ZCCHC14: variants seen among roughly 807,000 people sequenced by gnomAD.
ZCCHC14 encodes zinc finger CCHC domain-containing protein 14.
A neutral mutation model predicts 85.0 loss-of-function variants in ZCCHC14; 16 were observed. That is an observed-to-expected ratio of 0.19 (90% CI 0.13 to 0.29). The LOEUF is 0.29. ZCCHC14 is among the 10% of genes least tolerant of loss of function. ZCCHC14 has a pLI of 1.00. For missense variants in ZCCHC14, 1,303 were observed against 1,443.5 expected (o/e 0.90, Z 1.58); for synonymous variants, 775 against 630.7 (o/e 1.23, Z -3.43).
At chr16:87,435,955 A>T (rs1319641937) in intron 2 of ZCCHC14, among the ~76,000 whole-genome samples, 3 of 152,208 alleles carry the variant, frequency 2.0e-5, no homozygotes, top group Admixed American at 1.3e-4. Context: ...TGTTTTTCTA[A>T]AGCAGTACTT....
rs755073059 is a variant in ZCCHC14, at chr16:87,418,894, G to C, written c.1053C>G (p.Gly351=). 1 of 1,611,152 alleles carries C rather than the reference G, an allele frequency of 6.2e-7. No homozygotes were observed. The highest frequency in any genetic ancestry group is 8.5e-7 in the Non-Finnish European group (1 of 1,178,202). ...TACCTACTTTAGAAAGGGAGGGATT[G>C]CCAGGACCTATAAATTTAAAAATAA... ...PPQQLQSPSP[G]NPSLSKVGTV... Residue 351 remains glycine, a synonymous_variant, in exon 7 of 13, where the codon GGC becomes GGG. Transcript: ENST00000671377.
intron 4 of ZCCHC14, among the ~76,000 whole-genome samples, chr16:87,423,446 C>T (rs1009284132): frequency 2.0e-5 from 3 of 152,118 alleles, no homozygotes; most frequent in South Asian, 4.1e-4. Flanking sequence ...TAGGTGAAGT[C>T]TCTACCCACT....
At chr16:87,462,324 CTAAACAAGATAATAGAACCGA>C (rs1911302654) in intron 1 of ZCCHC14, among the ~76,000 whole-genome samples, 1 of 152,166 alleles carries the variant, frequency 6.6e-6, no homozygotes, top group Admixed American at 6.5e-5. Flanking sequence ...TCCTTTCCCA[CTAAACAAGATAATAGAACCGA>C]TACAAGTACG....
chr16:87,419,949 T>A, intron 5 of ZCCHC14, 72 bp from the exon 6 acceptor site: 1 of 1,338,494 alleles, frequency 7.5e-7, no homozygotes, highest in Non-Finnish European at 1.0e-6. Context: ...GAAAAAAATT[T>A]AACTTTTAAT....
At chr16:87,451,766 C>A (rs1910716772) in intron 2 of ZCCHC14, among the ~76,000 whole-genome samples, 1 of 152,170 alleles carries the variant, frequency 6.6e-6, no homozygotes, top group Non-Finnish European at 1.5e-5. Flanking sequence ...AGGGGAGCGT[C>A]AGGAGCTGAT....
At chr16:87,418,054 T>C in intron 7 of ZCCHC14, 2 of 381,954 alleles carry the variant, frequency 5.2e-6, no homozygotes, top group Non-Finnish European at 9.4e-6. Flanking sequence ...GTATGTGTAT[T>C]ATGTATGTGT....
chr16:87,470,727 A>G (rs933083154), intron 1 of ZCCHC14: 1 of 152,240 alleles, frequency 6.6e-6, no homozygotes, highest in East Asian at 1.9e-4. Flanking sequence ...AGATGACTGA[A>G]TATTATGCAG....
At chr16:87,418,632 C>A (rs1433071067) in intron 7 of ZCCHC14, among the ~76,000 whole-genome samples, 3 of 152,214 alleles carry the variant, frequency 2.0e-5, no homozygotes, top group African/African-American at 4.8e-5. Context: ...GGACCTTGCA[C>A]TGGGGAGGAG....
At chr16:87,417,388 C>G (rs1908843340) in intron 8 of ZCCHC14, 72 bp downstream of exon 8, 34 of 1,561,388 alleles carry the variant, frequency 2.2e-5, no homozygotes, top group Non-Finnish European at 3.0e-5. Context: ...GGTTTGGAAA[C>G]TCAATGCCCC....
At chr16:87,490,972 G>C (rs1244322545) in intron 1 of ZCCHC14, among the ~76,000 whole-genome samples, 4 of 152,242 alleles carry the variant, frequency 2.6e-5, no homozygotes, top group South Asian at 2.1e-4. Context: ...GGCTCAGACG[G>C]GGAAGCCCCA....
intron 9 of ZCCHC14, 130 bp downstream of exon 9, chr16:87,415,146 A>C (rs1190950204): frequency 1.6e-6 from 1 of 641,930 alleles, no homozygotes; most frequent in Admixed American, 3.2e-5. Flanking sequence ...AAATAAAAGC[A>C]TGGCTAAGGA....
At chr16:87,444,369 T>G (rs1456899559) in intron 2 of ZCCHC14, among the ~76,000 whole-genome samples, 2 of 152,208 alleles carry the variant, frequency 1.3e-5, no homozygotes, top group African/African-American at 4.8e-5. Context: ...TGGTACAGCT[T>G]CAACATCAGA....
At chr16:87,462,819 C>T (rs1911335928) in intron 1 of ZCCHC14, among the ~76,000 whole-genome samples, 1 of 151,912 alleles carries the variant, frequency 6.6e-6, no homozygotes, top group Non-Finnish European at 1.5e-5. Context: ...CCAGTAATCC[C>T]AGCACTTTGG....
At chr16:87,467,371 A>C (rs1911572817) in intron 1 of ZCCHC14, 2 of 1,599,000 alleles carry the variant, frequency 1.3e-6, no homozygotes, top group Admixed American at 1.7e-5. Flanking sequence ...GGGGTAATTA[A>C]GCAAGAGAAA....
Position 87,412,186 on chromosome 16 carries a change from A to G in ZCCHC14, c.2535T>C (p.Ser845=), listed in dbSNP as rs1908492392. The G allele has an allele frequency of 2.5e-6, 4 of 1,613,874 alleles. No homozygotes were observed. In the African/African-American group the frequency reaches 5.3e-5, roughly 22 times the overall value. Residue 845 remains serine (S), a synonymous_variant, in exon 12 of 13, where the codon TCT becomes TCC. Coordinates refer to ENST00000671377, the MANE Select transcript of ZCCHC14 (RefSeq NM_015144.3). ...AGGACGTGGAGGGGTGGCTGCTGGG[A>G]GAGGCAGTGTTGCTGTTTGCACAGA... is the stretch of plus-strand genomic sequence containing the variant. The part of the protein sequence containing the change: ...GGFCANSNTA[S]PSSHPSTSFA...
chr16:87,444,602 C>T (rs1910343564), intron 2 of ZCCHC14, among the ~76,000 whole-genome samples: 1 of 152,146 alleles, frequency 6.6e-6, no homozygotes, highest in Non-Finnish European at 1.5e-5. Context: ...CCCGACAGGA[C>T]ACAGTGAGAG....
Position 87,407,142 on chromosome 16 carries a change from C to T in ZCCHC14, c.*3138G>A, listed in dbSNP as rs548154588. ...GCTGGGTGATGTTTAGGCAAAGTCA[C>T]TACCCCGCCCCACTACTGTGCCCCA... is the stretch of plus-strand genomic sequence containing the variant. On this transcript the variant is annotated 3_prime_UTR_variant, in exon 13 of 13. Coordinates refer to ENST00000671377, the MANE Select transcript of ZCCHC14 (RefSeq NM_015144.3). 1 of 152,400 alleles carries T rather than the reference C, an allele frequency of 6.6e-6. No individual in the cohort carries two copies. Among genetic ancestry groups the T allele is most frequent in the Non-Finnish European group, 1.5e-5 (1 of 68,092 alleles). 9.4% of individuals were successfully genotyped at this position (152,400 alleles called of 1,614,324 possible).
intron 3 of ZCCHC14, among the ~76,000 whole-genome samples, chr16:87,430,633 G>A (rs1009965136): frequency 1.3e-5 from 2 of 150,992 alleles, no homozygotes; most frequent in African/African-American, 2.4e-5. Flanking sequence ...GCGATTCCCC[G>A]GCCTCAGCCT....
At chr16:87,482,237 A>G (rs938517010) in intron 1 of ZCCHC14, among the ~76,000 whole-genome samples, 4 of 152,214 alleles carry the variant, frequency 2.6e-5, no homozygotes, top group African/African-American at 9.7e-5. Context: ...GGTCTGGTTG[A>G]GCCTTTAGGT....
Sources: allele counts gnomAD v4.1 joint callset (sites outside exome capture counted in the v4.1 genomes callset), GRCh38; gene constraint gnomAD v4.1.1; transcripts MANE v1.5; gene names NCBI Gene and HGNC (gene_info 2026-07-23, HGNC 2026-07-21).